Variants in KIF5A observed in about 807,000 individuals in gnomAD.
KIF5A encodes the protein kinesin heavy chain isoform 5A.
A neutral mutation model predicts 141.3 loss-of-function variants in KIF5A; 35 were observed. The ratio of observed to expected loss-of-function variants is 0.25; its 90% CI spans 0.19 to 0.33. The LOEUF is 0.33. Ranked by LOEUF, KIF5A falls within the 10% of genes least tolerant of loss-of-function variation. The probability of loss-of-function intolerance (pLI) is 1.00; values close to 1 mark genes in which losing one functional copy is unlikely to be tolerated. For synonymous variants in KIF5A, 448 were observed against 500.2 expected (o/e 0.90, Z 1.39); for missense variants, 861 against 1,314.3 (o/e 0.66, Z 5.33).
Position 57,572,346 on chromosome 12 carries a change from A to G in KIF5A, c.1569+79A>G, listed in dbSNP as rs1446893328. On this transcript the variant is annotated intron_variant, in intron 14 of 28. Coordinates refer to ENST00000455537, the MANE Select transcript of KIF5A (RefSeq NM_004984.4). This position sits in a 1 kb window ranked among gnomAD's most constrained non-coding sequence, Gnocchi z 4.2. ...GTCGAGGGGACCTCTGCATCCTTCC[A>G]GGGCTGTATGGTGGCTGCACCTCTG... 1 of 1,446,392 alleles carries G rather than the reference A, an allele frequency of 6.9e-7. No individual in the cohort carries two copies. The highest frequency in any genetic ancestry group is 1.7e-4 in the Middle Eastern group (1 of 5,758). 89.6% of individuals were successfully genotyped at this position (1,446,392 alleles called of 1,614,324 possible). A position where few individuals can be genotyped will look rare whatever the true frequency, so the allele number is the denominator to read the frequency against.
chr12:57,568,236 A>G (rs565653213), intron 8 of KIF5A, among the ~76,000 whole-genome samples: 7 of 152,274 alleles, frequency 4.6e-5, no homozygotes, highest in Admixed American at 1.3e-4. Flanking sequence ...CATACCATAA[A>G]GTTCACCATT....
chr12:57,551,872 GTCTCTCTCTCTCTC>G (rs57562029), intron 1 of KIF5A, among the ~76,000 whole-genome samples: 25 of 145,776 alleles, frequency 1.7e-4, no homozygotes, highest in East Asian at 1.2e-3. Flanking sequence ...GATGCTTTTG[GTCTCTCTCTCTCTC>G]TCTCTCTCTC....
rs1882424452 is a variant in KIF5A at position 57,576,335 on chromosome 12, G to T, written c.2155G>T (p.Asp719Tyr). ...TCACCGGCAGCTGGCCCGGCTCCGGGACGAGATCAACGAGAAGCAGAAGAC... is the reference window on the plus strand; with the variant it reads ...TCACCGGCAGCTGGCCCGGCTCCGGTACGAGATCAACGAGAAGCAGAAGAC... ...AHHRQLARLR[D>Y]EINEKQKTID... The change falls in exon 19 of 29, where the codon GAC becomes TAC. Residue 719 changes from aspartate to tyrosine, a missense_variant. Coordinates refer to ENST00000455537, the MANE Select transcript of KIF5A (RefSeq NM_004984.4). 14 of 1,613,998 alleles carry T rather than the reference G, an allele frequency of 8.7e-6. No homozygotes were observed. The highest frequency in any genetic ancestry group is 1.2e-5 in the Non-Finnish European group (14 of 1,179,924).
chr12:57,563,885 C>T (rs1193732577), intron 3 of KIF5A, among the ~76,000 whole-genome samples, 192 bp downstream of exon 3: 1 of 152,164 alleles, frequency 6.6e-6, no homozygotes, highest in East Asian at 1.9e-4. Context: ...GTGGATCATC[C>T]TTTCCACTAC....
chr12:57,564,164 C>T lies in KIF5A; in HGVS notation c.348C>T (p.Ile116=). Residue 116 remains isoleucine (I), a synonymous_variant, in exon 4 of 29, where the codon ATC becomes ATT. Coordinates refer to ENST00000455537, the MANE Select transcript of KIF5A (RefSeq NM_004984.4). The part of the protein sequence containing the change: ...MGIIPRIARD[I]FNHIYSMDEN... ...TCATTCCTCGAATTGCCCGAGACAT[C>T]TTCAACCACATCTACTCCATGGATG... 6.2e-7 allele frequency: 1 copy of T among 1,614,072 alleles called. No homozygotes were observed. Among genetic ancestry groups the T allele is most frequent in the Non-Finnish European group, 8.5e-7 (1 of 1,179,928 alleles).
Position 57,550,286 on chromosome 12 carries a change from C to A in KIF5A, c.15C>A (p.Asn5Lys). The change falls in exon 1 of 29, where the codon AAC becomes AAA. Residue 5 changes from asparagine (N) to lysine (K), a missense_variant. Asn to Lys is a moderately conservative substitution (Grantham distance 94). Coordinates refer to ENST00000455537, the MANE Select transcript of KIF5A (RefSeq NM_004984.4). This position sits in a 1 kb window ranked among gnomAD's most constrained non-coding sequence, Gnocchi z 4.6. ...CGGCTACCACCATGGCGGAGACCAA[C>A]AACGAATGTAGCATCAAGGTGCTCT... MAETNNECSIKVLCR... is the reference protein window; with the variant it reads MAETKNECSIKVLCR... The A allele has an allele frequency of 1.9e-6, 3 of 1,614,196 alleles. No individual in the cohort carries two copies. Among genetic ancestry groups the A allele is most frequent in the Non-Finnish European group, 2.5e-6 (3 of 1,180,024 alleles).
At chr12:57,567,024 C>T (rs959397386) in intron 6 of KIF5A, 102 bp from the exon 7 acceptor site, 17 of 506,980 alleles carry the variant, frequency 3.4e-5, no homozygotes, top group African/African-American at 1.6e-4. Context: ...CTGGGCAGAG[C>T]GAGACTCCAT....
chr12:57,577,867 A>G (rs1387638167), intron 21 of KIF5A, 94 bp downstream of exon 21: 2 of 1,284,900 alleles, frequency 1.6e-6, no homozygotes, highest in Middle Eastern at 1.9e-4. Context: ...TTTTGCAGCC[A>G]TTCTGTAGCG....
chr12:57,564,898 C>G lies in KIF5A; in HGVS notation c.446-20C>G, dbSNP rs1387302349. On this transcript the variant is annotated intron_variant, in intron 5 of 28. Transcript: ENST00000455537. Reference sequence around the variant, plus strand: ...CGGTGGAAGTACTAGTCTTGCTTACCCTGCATTCTTTTGATTCAGTGACCA... The same window carrying G: ...CGGTGGAAGTACTAGTCTTGCTTACGCTGCATTCTTTTGATTCAGTGACCA... The G allele has an allele frequency of 1.9e-6, 3 of 1,613,362 alleles. No homozygotes were observed. The highest frequency in any genetic ancestry group is 2.5e-6 in the Non-Finnish European group (3 of 1,179,478).
chr12:57,564,897 C>T, intron 5 of KIF5A, 21 bp from the exon 6 acceptor site: 1 of 1,613,460 alleles, frequency 6.2e-7, no homozygotes, highest in Non-Finnish European at 8.5e-7. Context: ...GTCTTGCTTA[C>T]CCTGCATTCT....
At chr12:57,556,051 G>A (rs1881730758) in intron 1 of KIF5A, among the ~76,000 whole-genome samples, 2 of 151,988 alleles carry the variant, frequency 1.3e-5, no homozygotes, top group African/African-American at 2.4e-5. Context: ...TAGGTAGCAG[G>A]CCTTCCCAGA....
intron 1 of KIF5A, among the ~76,000 whole-genome samples, chr12:57,554,838 C>T (rs768880214): frequency 2.0e-5 from 3 of 152,170 alleles, no homozygotes; most frequent in Non-Finnish European, 4.4e-5. Flanking sequence ...CACATGAACT[C>T]ATAAAGCGAT....
chr12:57,564,651 T>C (rs1882008877), intron 5 of KIF5A, 143 bp downstream of exon 5: 1 of 835,650 alleles, frequency 1.2e-6, no homozygotes, highest in Non-Finnish European at 2.0e-6. Context: ...TTTACCAGAA[T>C]TTCCAAAAAC....
rs148481427 is a variant in KIF5A, at chr12:57,564,066, C to T, written c.292-42C>T. ...GCATACATCTGAGTTGTCTCATTCTCCCTGAGCCCCAGCTTCACTCTCAAA... is the reference window on the plus strand; with the variant it reads ...GCATACATCTGAGTTGTCTCATTCTTCCTGAGCCCCAGCTTCACTCTCAAA... On this transcript the variant is annotated intron_variant, in intron 3 of 28. Transcript: ENST00000455537. The T allele has an allele frequency of 1.3e-3, 1,841 of 1,416,492 alleles. 14 individuals are homozygous for T. The African/African-American group carries it at 0.023, about 18-fold the overall frequency. 87.7% of individuals were successfully genotyped at this position (1,416,492 alleles called of 1,614,324 possible). A position where few individuals can be genotyped will look rare whatever the true frequency, so the allele number is the denominator to read the frequency against.
chr12:57,570,100 C>G lies in KIF5A; in HGVS notation c.1231C>G (p.Pro411Ala). ...CTCATCCATCGTGGTGCGCATCGCG[C>G]CCGAGGAGCGGCAGAAATACGAGGA... Reference protein sequence around the residue: ...DNSSIVVRIAPEERQKYEEEI... With the variant: ...DNSSIVVRIAAEERQKYEEEI... The change falls in exon 12 of 29, where the codon CCC becomes GCC. Residue 411 changes from proline (P) to alanine (A), a missense_variant. Pro to Ala is a conservative substitution (Grantham distance 27). Transcript: ENST00000455537. The G allele has an allele frequency of 6.2e-7, 1 of 1,614,160 alleles. No individual in the cohort carries two copies. Among genetic ancestry groups the G allele is most frequent in the African/African-American group, 1.3e-5 (1 of 75,064 alleles).
At chr12:57,574,581 AT>A (rs11430710) in intron 15 of KIF5A, among the ~76,000 whole-genome samples, 3,200 of 100,734 alleles carry the variant, frequency 0.032, 47 homozygotes, top group Middle Eastern at 0.075. Flanking sequence ...CCAGAATTGG[AT>A]TTTTTTTTTT....
Position 57,569,695 on chromosome 12 carries a change from A to G in KIF5A, c.1117+12A>G, listed in dbSNP as rs1594917397. On this transcript the variant is annotated intron_variant, in intron 11 of 28. Coordinates refer to ENST00000455537, the MANE Select transcript of KIF5A (RefSeq NM_004984.4). ...CCGGTGGCGCAATGGTTAGAGAGGG[A>G]TAGGTGGGAGTGAGGGGCAGTGGGA... is the stretch of plus-strand genomic sequence containing the variant. 6.2e-7 allele frequency: 1 copy of G among 1,612,962 alleles called. No homozygotes were observed. The highest frequency in any genetic ancestry group is 8.5e-7 in the Non-Finnish European group (1 of 1,179,740).
intron 1 of KIF5A, among the ~76,000 whole-genome samples, chr12:57,556,004 G>A (rs926092221): frequency 1.3e-5 from 2 of 151,934 alleles, no homozygotes; most frequent in African/African-American, 4.8e-5. Context: ...TAAAGAGCCA[G>A]GCTTGGAATT....
At chr12:57,578,812 C>A (rs1269717831) in intron 23 of KIF5A, among the ~76,000 whole-genome samples, 4 of 152,058 alleles carry the variant, frequency 2.6e-5, no homozygotes, top group Non-Finnish European at 4.4e-5. Context: ...GCCTGTAGTC[C>A]CAGCGCTTCA....
Sources: gnomAD v4.1 joint callset for allele counts (sites outside exome capture counted in the v4.1 genomes callset) on GRCh38, gnomAD v4.1.1 for gene constraint, Gnocchi (gnomAD v3.1) non-coding constraint, MANE v1.5 for transcripts, NCBI Gene and HGNC (gene_info 2026-07-23, HGNC 2026-07-21) for gene names.